The following FAS variants were observed in gnomAD, a reference collection of about 807,000 sequenced individuals.
The protein encoded by FAS is tumor necrosis factor receptor superfamily member 6.
In FAS, 5 loss-of-function variants were observed where a neutral mutation model predicts 33.2. The observed-to-expected ratio is 0.15, with a 90% CI of 0.08 to 0.32. FAS has a LOEUF of 0.32. FAS is among the 10% of genes least tolerant of loss of function. FAS has a pLI of 1.00. For missense variants in FAS, 339 were observed against 386.0 expected (o/e 0.88, Z 1.02); for synonymous variants, 131 against 130.7 (o/e 1.00, Z -0.01).
upstream of FAS, among the ~76,000 whole-genome samples, chr10:88,988,417 T>G (rs960180466): frequency 4.6e-4 from 2 of 4,388 alleles, no homozygotes; most frequent in Non-Finnish European, 7.0e-4. Context: ...GATGTAGAAG[T>G]TTTTTTTTTT....
At chr10:89,002,678 GTGAGGAAGAGGTTA>G in intron 1 of FAS, 1 of 330,166 alleles carries the variant, frequency 3.0e-6, no homozygotes, top group Non-Finnish European at 5.9e-6. Flanking sequence ...CAACAAGCCT[GTGAGGAAGAGGTTA>G]TTTCCACTTA....
intron 2 of FAS, among the ~76,000 whole-genome samples, chr10:88,977,058 T>C (rs374985092): frequency 5.9e-5 from 9 of 152,240 alleles, no homozygotes; most frequent in African/African-American, 2.2e-4. Context: ...GAATTAATGC[T>C]TGTGTGGACT....
upstream of FAS, among the ~76,000 whole-genome samples, chr10:88,983,819 T>C (rs941915326): frequency 6.6e-6 from 1 of 152,140 alleles, no homozygotes; most frequent in Non-Finnish European, 1.5e-5. Flanking sequence ...GATAAACCCA[T>C]TGAATGACTT....
Position 89,010,588 on chromosome 10 carries a change from T to G in FAS, c.493T>G (p.Cys165Gly). 2 of 1,613,890 alleles carry G rather than the reference T, an allele frequency of 1.2e-6. No individual in the cohort carries two copies. Among genetic ancestry groups the G allele is most frequent in the Non-Finnish European group, 1.7e-6 (2 of 1,179,886 alleles). ...KECTLTSNTK[C>G]KEEGSRSNLG... ...ATGCACACTCACCAGCAACACCAAG[T>G]GCAAAGAGGAAGGTAATTATTTTTT... Residue 165 changes from cysteine (C) to glycine (G), a missense_variant, in exon 5 of 9, where the codon TGC becomes GGC. Cys to Gly is a radical substitution (Grantham distance 159). Transcript: ENST00000652046.
In FAS at chr10:89,016,891, G is replaced by T. The variant is rs1848826059; in HGVS notation, c.*2441G>T. 1 of 196,684 alleles carries T rather than the reference G, an allele frequency of 5.1e-6. No homozygotes were observed. The highest frequency in any genetic ancestry group is 1.9e-4 in the South Asian group (1 of 5,202). 12.2% of individuals were successfully genotyped at this position (196,684 alleles called of 1,614,324 possible). ...TTAGATCAGACACTTTTTAGATATT[G>T]AATCATCAGTTTCTGTACAACTATC... On this transcript the variant is annotated 3_prime_UTR_variant, in exon 9 of 9. Coordinates refer to ENST00000652046, the MANE Select transcript of FAS (RefSeq NM_000043.6).
Position 89,016,972 on chromosome 10 carries a change from T to C in FAS, c.*2522T>C, listed in dbSNP as rs1311290570. The stretch of plus-strand genomic sequence containing the variant: ...AATTTTTTTCTATGCTTACTCCTGA[T>C]TGGTAATTTGTTTGGGTTTAGAATT... On this transcript the variant is annotated 3_prime_UTR_variant, in exon 9 of 9. Coordinates refer to ENST00000652046, the MANE Select transcript of FAS (RefSeq NM_000043.6). 2 of 183,768 alleles carry C rather than the reference T, an allele frequency of 1.1e-5. No homozygotes were observed. The highest frequency in any genetic ancestry group is 4.7e-5 in the African/African-American group (2 of 42,596). 11.4% of individuals were successfully genotyped at this position (183,768 alleles called of 1,614,324 possible).
At chr10:88,967,175 T>C (rs928943679) in intron 1 of FAS, among the ~76,000 whole-genome samples, 5 of 152,116 alleles carry the variant, frequency 3.3e-5, no homozygotes, top group Non-Finnish European at 7.4e-5. Flanking sequence ...TCCAACAAAA[T>C]TGAGACCCTA....
chr10:88,968,376 A>T (rs1240084712), intron 1 of FAS, among the ~76,000 whole-genome samples: 2 of 152,108 alleles, frequency 1.3e-5, no homozygotes, highest in Non-Finnish European at 2.9e-5. Context: ...AGGGTTTTTG[A>T]TCATCTTGGG....
At chr10:89,002,893 C>A in intron 1 of FAS, 136 bp from the exon 2 acceptor site, 1 of 910,406 alleles carries the variant, frequency 1.1e-6, no homozygotes, top group Non-Finnish European at 1.7e-6. Flanking sequence ...AGAGAGAAAT[C>A]TGAAAGACAG....
chr10:89,007,513 G>A (rs1848295847), intron 2 of FAS, among the ~76,000 whole-genome samples, 187 bp from the exon 3 acceptor site: 1 of 151,988 alleles, frequency 6.6e-6, no homozygotes, highest in South Asian at 2.1e-4. Flanking sequence ...TTTGTCTTGG[G>A]AGACTTTCTG....
rs978677432 is a variant in FAS, at chr10:89,016,395, C to T, written c.*1945C>T. 8.7e-5 allele frequency: 19 copies of T among 218,706 alleles called. No homozygotes were observed. Among genetic ancestry groups the T allele is most frequent in the African/African-American group, 3.6e-4 (16 of 44,504 alleles). The allele number at this position is 218,706 out of a possible 1,614,324, so 13.5% of individuals were successfully genotyped here. A position where few individuals can be genotyped will look rare whatever the true frequency, so the allele number is the denominator to read the frequency against. ...TGCTCTCCAGTTTTCTATTTCTAGA[C>T]AGAAGTAGGGCAAGTTAGGTACTAG... On this transcript the variant is annotated 3_prime_UTR_variant, in exon 9 of 9. Transcript: ENST00000652046.
chr10:89,014,592 A>C lies in FAS; in HGVS notation c.*142A>C, dbSNP rs9658774. 14 of 834,094 alleles carry C rather than the reference A, an allele frequency of 1.7e-5. No homozygotes were observed. Among genetic ancestry groups the C allele is most frequent in the Non-Finnish European group, 2.8e-5 (14 of 508,250 alleles). The allele number at this position is 834,094 out of a possible 1,614,324, so 51.7% of individuals were successfully genotyped here. On this transcript the variant is annotated 3_prime_UTR_variant, in exon 9 of 9. Coordinates refer to ENST00000652046, the MANE Select transcript of FAS (RefSeq NM_000043.6). ...CGCTGAAGAGCCAACATATTTGTAG[A>C]TTTTTAATATCTCATGATTCTGCCT...
chr10:88,989,357 A>T, upstream of FAS: 1 of 313,116 alleles, frequency 3.2e-6, no homozygotes, highest in African/African-American at 2.2e-5. Context: ...TTTTTTATTT[A>T]AATGAACTTT....
intron 1 of FAS, among the ~76,000 whole-genome samples, chr10:88,965,973 T>C (rs1846311700): frequency 6.6e-6 from 1 of 152,208 alleles, no homozygotes; most frequent in African/African-American, 2.4e-5. Flanking sequence ...AAGCATGGCC[T>C]GAATTTACGG....
At chr10:89,001,511 A>C (rs763360298) in intron 1 of FAS, among the ~76,000 whole-genome samples, 1 of 151,162 alleles carries the variant, frequency 6.6e-6, no homozygotes, top group Non-Finnish European at 1.5e-5. Flanking sequence ...CTGTTGCTCT[A>C]TTTGTAACCG....
At chr10:89,013,393 T>A in intron 8 of FAS, 26 bp downstream of exon 8, 1 of 1,609,032 alleles carries the variant, frequency 6.2e-7, no homozygotes, top group Non-Finnish European at 8.5e-7. Context: ...TTTTATTTCA[T>A]AGAGATGGCA....
chr10:88,973,244 T>A, exon 2 of FAS: 4 of 1,612,682 alleles, frequency 2.5e-6, no homozygotes, highest in Non-Finnish European at 3.4e-6. Context: ...CCCTGAAAAT[T>A]GGCTATGGAC....
intron 7 of FAS, 24 bp from the exon 8 acceptor site, chr10:89,013,319 C>T: frequency 6.2e-7 from 1 of 1,606,872 alleles, no homozygotes; most frequent in Non-Finnish European, 8.5e-7. Flanking sequence ...TTGTCTTTCT[C>T]TGCTTCCATT....
Position 89,014,812 on chromosome 10 carries a change from C to G in FAS, c.*362C>G, listed in dbSNP as rs1200348559. ...AATGTCTATCCACAGGCTAACCCCA[C>G]TCTATGAATCAATAGAAGAAGCTAT... On this transcript the variant is annotated 3_prime_UTR_variant, in exon 9 of 9. Transcript: ENST00000652046. 1 of 547,288 alleles carries G rather than the reference C, an allele frequency of 1.8e-6. No homozygotes were observed. The highest frequency in any genetic ancestry group is 1.5e-5 in the South Asian group (1 of 65,282). The allele number at this position is 547,288 out of a possible 1,614,324, so 33.9% of individuals were successfully genotyped here. A position where few individuals can be genotyped will look rare whatever the true frequency, so the allele number is the denominator to read the frequency against.
Sources: allele counts gnomAD v4.1 joint callset (sites outside exome capture counted in the v4.1 genomes callset), GRCh38; gene constraint gnomAD v4.1.1; transcripts MANE v1.5; gene names NCBI Gene and HGNC (gene_info 2026-07-23, HGNC 2026-07-21).